Variants in GALNT13 observed in about 807,000 individuals in gnomAD.
GALNT13 encodes the protein UDP-GalNAc:polypeptide N-acetylgalactosaminyltransferase 13.
A neutral mutation model predicts 64.2 loss-of-function variants in GALNT13; 28 were observed. The ratio of observed to expected loss-of-function variants is 0.44; its 90% confidence interval spans 0.32 to 0.60. The LOEUF (loss-of-function observed/expected upper bound fraction) is 0.60, where lower values mean the gene tolerates loss of function less well. Ranked by LOEUF, GALNT13 falls within the 20% of genes least tolerant of loss-of-function variation. The pLI is 0.05. For synonymous variants in GALNT13, 214 were observed against 224.6 expected (o/e 0.95, Z 0.42); for missense variants, 577 against 669.8 (o/e 0.86, Z 1.53).
intron 3 of GALNT13, among the ~76,000 whole-genome samples, chr2:154,011,710 G>A (rs921717946): frequency 3.9e-5 from 6 of 152,056 alleles, no homozygotes; most frequent in African/African-American, 1.4e-4. Flanking sequence ...TAAGTCTTTT[G>A]TAGGTCTCTA....
the GALNT13 span, among the ~76,000 whole-genome samples, chr2:153,123,950 G>T: frequency 2.0e-5 from 3 of 152,152 alleles, no homozygotes; most frequent in African/African-American, 7.2e-5. Context: ...AATAGCATAT[G>T]GGAAACATAA....
the GALNT13 span, among the ~76,000 whole-genome samples, chr2:153,527,906 C>A: frequency 6.6e-6 from 1 of 151,846 alleles, no homozygotes; most frequent in South Asian, 2.1e-4. Context: ...TTTGTAACCT[C>A]AAACCAAAGA....
At chr2:153,235,607 G>A in the GALNT13 span, among the ~76,000 whole-genome samples, 1 of 152,086 alleles carries the variant, frequency 6.6e-6, no homozygotes, top group East Asian at 1.9e-4. Context: ...GTCAGCCCAA[G>A]GTAACTACTC....
the GALNT13 span, among the ~76,000 whole-genome samples, chr2:153,556,567 G>A: frequency 1.7e-4 from 26 of 152,120 alleles, no homozygotes; most frequent in Admixed American, 1.4e-3. Flanking sequence ...GGTACAACAC[G>A]TAATGAAATT....
chr2:154,384,284 G>A (rs1406183554), intron 9 of GALNT13, among the ~76,000 whole-genome samples: 1 of 151,816 alleles, frequency 6.6e-6, no homozygotes, highest in East Asian at 1.9e-4. Flanking sequence ...TCAAATTCTG[G>A]AAAGCGGAAA....
chr2:153,563,260 T>C, the GALNT13 span, among the ~76,000 whole-genome samples: 1 of 152,120 alleles, frequency 6.6e-6, no homozygotes, highest in Admixed American at 6.6e-5. Context: ...TTCCAGTATT[T>C]CTCTTATTTT....
the GALNT13 span, among the ~76,000 whole-genome samples, chr2:153,597,050 A>G: frequency 6.6e-6 from 1 of 152,134 alleles, no homozygotes; most frequent in Admixed American, 6.6e-5. Context: ...AATTTTAGAA[A>G]AATTCAAAGA....
intron 3 of GALNT13, among the ~76,000 whole-genome samples, chr2:154,018,743 C>A (rs988980859): frequency 1.4e-5 from 2 of 142,326 alleles, no homozygotes; most frequent in Non-Finnish European, 3.0e-5. Context: ...ATGAAGAGGG[C>A]GAGGGAATGA....
the GALNT13 span, among the ~76,000 whole-genome samples, chr2:153,553,731 G>A: frequency 2.0e-5 from 3 of 152,144 alleles, no homozygotes; most frequent in Non-Finnish European, 4.4e-5. Flanking sequence ...CCATTTCCAG[G>A]AACGAGGGAA....
chr2:153,095,585 C>G, the GALNT13 span, among the ~76,000 whole-genome samples: 1 of 152,168 alleles, frequency 6.6e-6, no homozygotes, highest in African/African-American at 2.4e-5. Context: ...GACACATGCA[C>G]ACATATGTTT....
rs1280777348 is a variant in GALNT13 at position 154,127,667 on chromosome 2, G to GTCATA, written c.143-12669_143-12665dup. ...GTGTGTGTAGATATGGATATATATGGTCATACATATAGTCATATATATATC... is the reference window on the plus strand; with the variant it reads ...GTGTGTGTAGATATGGATATATATGGTCATATCATACATATAGTCATATATATATC... On this transcript the variant is annotated intron_variant, in intron 3 of 12. Transcript: ENST00000392825. Among the ~76,000 whole-genome samples, 3 of 149,342 alleles carry GTCATA rather than the reference G, an allele frequency of 2.0e-5. No homozygotes were observed. In the East Asian group the frequency reaches 5.9e-4, roughly 29 times the overall value.
At chr2:154,097,390 A>T (rs1702128631) in intron 3 of GALNT13, among the ~76,000 whole-genome samples, 1 of 152,082 alleles carries the variant, frequency 6.6e-6, no homozygotes, top group Admixed American at 6.6e-5. Context: ...AAGAAAAGTT[A>T]ATTTTCTGTT....
the GALNT13 span, among the ~76,000 whole-genome samples, chr2:153,336,971 T>G: frequency 1.3e-5 from 2 of 152,184 alleles, no homozygotes; most frequent in African/African-American, 2.4e-5. Context: ...TTTCCACTTT[T>G]GTTTCTTTCT....
the GALNT13 span, among the ~76,000 whole-genome samples, chr2:153,800,235 C>T: frequency 3.3e-5 from 5 of 151,920 alleles, no homozygotes; most frequent in Non-Finnish European, 7.4e-5. Flanking sequence ...TTATGTTTAC[C>T]CTACACTGTA....
At chr2:154,371,915 A>G (rs2105312251) in intron 9 of GALNT13, among the ~76,000 whole-genome samples, 1 of 152,230 alleles carries the variant, frequency 6.6e-6, no homozygotes, top group East Asian at 1.9e-4. Context: ...AATCTATTTA[A>G]TACAGAACTT....
rs75574027 is a variant in GALNT13 at position 154,347,894 on chromosome 2, G to T, written c.1156+46305G>T. ...GATCTGGCTTCCTTATCCAGGTTCA[G>T]TTGGCTCAAAGTCAGTATGCTCTTC... On this transcript the variant is annotated intron_variant, in intron 9 of 12. Coordinates refer to ENST00000392825, the MANE Select transcript of GALNT13 (RefSeq NM_052917.4). 7.7e-3 allele frequency among the ~76,000 whole-genome samples: 1,174 copies of T among 152,284 alleles called. 13 individuals are homozygous for T. The highest frequency in any genetic ancestry group is 0.027 in the African/African-American group (1,116 of 41,552).
chr2:153,131,793 A>T, the GALNT13 span, among the ~76,000 whole-genome samples: 1 of 152,016 alleles, frequency 6.6e-6, no homozygotes, highest in Non-Finnish European at 1.5e-5. Flanking sequence ...GTAAGTTTTC[A>T]AGCATGTTTG....
At chr2:153,285,918 C>A in the GALNT13 span, among the ~76,000 whole-genome samples, 1 of 151,916 alleles carries the variant, frequency 6.6e-6, no homozygotes, top group Non-Finnish European at 1.5e-5. Flanking sequence ...AGGAGTGAAA[C>A]TTAACATTAT....
the GALNT13 span, among the ~76,000 whole-genome samples, chr2:153,451,289 A>G: frequency 6.6e-6 from 1 of 152,190 alleles, no homozygotes; most frequent in African/African-American, 2.4e-5. Flanking sequence ...AATTAGCTTT[A>G]GCCTGTTTTC....
Sources: gnomAD v4.1 joint callset for allele counts (sites outside exome capture counted in the v4.1 genomes callset) on GRCh38, gnomAD v4.1.1 for gene constraint, MANE v1.5 for transcripts, NCBI Gene and HGNC (gene_info 2026-07-23, HGNC 2026-07-21) for gene names.